KIAA1328: variants seen among roughly 807,000 people sequenced by gnomAD.
The protein encoded by KIAA1328 is KIAA1328, also known as protein hinderin.
KIAA1328 carries 52 observed loss-of-function variants against 68.1 expected under a neutral mutation model. The observed-to-expected ratio is 0.76, with a 90% CI of 0.61 to 0.96. The LOEUF is 0.96. Among genes scored for constraint, KIAA1328 ranks in the 40% least tolerant of loss-of-function variants. The probability of loss-of-function intolerance (pLI) is 0.00; values close to 1 mark genes in which losing one functional copy is unlikely to be tolerated. For missense variants in KIAA1328, 641 were observed against 677.6 expected, an observed-to-expected ratio of 0.95 and a Z score of 0.60; for synonymous variants, 232 against 239.4, an observed-to-expected ratio of 0.97 and a Z score of 0.28.
At chr18:36,889,914 T>C (rs1285692542) in intron 5 of KIAA1328, among the ~76,000 whole-genome samples, 1 of 152,186 alleles carries the variant, frequency 6.6e-6, no homozygotes, top group African/African-American at 2.4e-5. Context: ...TGCTTTATCT[T>C]CTGATCTCTC....
chr18:36,922,060 CTTT>C (rs879414277), intron 5 of KIAA1328, among the ~76,000 whole-genome samples: 1 of 145,896 alleles, frequency 6.9e-6, no homozygotes. Context: ...CCAGAGAATA[CTTT>C]TTTTTTTTTT....
intron 6 of KIAA1328, among the ~76,000 whole-genome samples, chr18:37,039,515 C>G (rs549995456): frequency 6.6e-6 from 1 of 152,032 alleles, no homozygotes; most frequent in African/African-American, 2.4e-5. Flanking sequence ...CAGGTTCAAG[C>G]AATTCTCCTG....
intron 5 of KIAA1328, among the ~76,000 whole-genome samples, chr18:36,930,344 C>G (rs2050266595): frequency 6.6e-6 from 1 of 152,066 alleles, no homozygotes; most frequent in Admixed American, 6.6e-5. Flanking sequence ...GCCTTGTAAC[C>G]ACAACTTTCC....
intron 8 of KIAA1328, among the ~76,000 whole-genome samples, chr18:37,169,374 C>A (rs2059455110): frequency 1.3e-5 from 2 of 151,946 alleles, no homozygotes; most frequent in Non-Finnish European, 2.9e-5. Flanking sequence ...ACTATGTTGG[C>A]CAGGCTGGTC....
At chr18:37,084,354 T>C (rs2057036269) in intron 7 of KIAA1328, 1 of 418,198 alleles carries the variant, frequency 2.4e-6, no homozygotes, top group Admixed American at 4.4e-5. Flanking sequence ...AATACGTACA[T>C]TCCTGTTATA....
intron 5 of KIAA1328, among the ~76,000 whole-genome samples, chr18:36,921,696 G>T (rs1169236811): frequency 6.6e-6 from 1 of 152,104 alleles, no homozygotes; most frequent in Non-Finnish European, 1.5e-5. Flanking sequence ...GAGCCACTGT[G>T]CCCGGCCTTT....
At chr18:37,158,464 C>T (rs1262456415) in intron 7 of KIAA1328, among the ~76,000 whole-genome samples, 1 of 151,956 alleles carries the variant, frequency 6.6e-6, no homozygotes, top group Non-Finnish European at 1.5e-5. Context: ...GGAAAAAATC[C>T]AGTTTAGAGG....
rs1160536634 is a variant in KIAA1328, at chr18:37,052,924, C to A, written c.577-13966C>A. Reference sequence around the variant, plus strand: ...ATTAAAATGACCATACTGCCCAAATCGATTTATAGATTCAGTGCAAACCCT... The same window carrying A: ...ATTAAAATGACCATACTGCCCAAATAGATTTATAGATTCAGTGCAAACCCT... On this transcript the variant is annotated intron_variant, in intron 6 of 9. Coordinates refer to ENST00000280020, the MANE Select transcript of KIAA1328 (RefSeq NM_020776.3). Among the ~76,000 whole-genome samples the A allele has an allele frequency of 1.3e-5, 2 of 152,122 alleles. 1 individual carries two copies. The highest frequency in any genetic ancestry group is 4.1e-4 in the South Asian group (2 of 4,822).
At chr18:37,082,998 A>G (rs1599202076) in intron 7 of KIAA1328, among the ~76,000 whole-genome samples, 1 of 152,206 alleles carries the variant, frequency 6.6e-6, no homozygotes, top group Admixed American at 6.5e-5. Context: ...TCACCTTGAG[A>G]GAGTTATGTG....
chr18:37,004,204 G>T (rs149268144), intron 6 of KIAA1328, among the ~76,000 whole-genome samples: 4 of 151,952 alleles, frequency 2.6e-5, no homozygotes, highest in East Asian at 3.9e-4. Flanking sequence ...AATATTGATC[G>T]TACCCATCCA....
rs1446274227 is a variant in KIAA1328 at position 36,928,757 on chromosome 18, C to G, written c.449-30551C>G. On this transcript the variant is annotated intron_variant, in intron 5 of 9. Transcript: ENST00000280020. ...ATCCTGCTTGAAGTTCTTTGAGCTT[C>G]TTTGGTCTGTGTTGTTGTGTTTCAC... is the stretch of plus-strand genomic sequence containing the variant. 2.0e-5 allele frequency among the ~76,000 whole-genome samples: 3 copies of G among 152,258 alleles called. No homozygotes were observed. The East Asian group carries it at 5.8e-4, about 29-fold the overall frequency.
chr18:37,186,094 C>CTTTTTT lies in KIAA1328; in HGVS notation c.1523+13031_1523+13036dup, dbSNP rs748423012. ...ACCTCAATTTGGGCTTCAAGGATGT[C>CTTTTTT]TTTTTTTTTTTTTTTTTTTTTTTGT... On this transcript the variant is annotated intron_variant, in intron 9 of 9. Transcript: ENST00000280020. Among the ~76,000 whole-genome samples the CTTTTTT allele has an allele frequency of 2.0e-3, 178 of 90,420 alleles. 3 individuals are homozygous for CTTTTTT. Among genetic ancestry groups the CTTTTTT allele is most frequent in the African/African-American group, 3.2e-3 (70 of 21,562 alleles). 59.3% of individuals were successfully genotyped at this position (90,420 alleles called of 152,430 possible).
chr18:36,932,521 G>A (rs1367677106), intron 5 of KIAA1328, among the ~76,000 whole-genome samples: 1 of 152,158 alleles, frequency 6.6e-6, no homozygotes, highest in Non-Finnish European at 1.5e-5. Context: ...TCTGTGCATG[G>A]CCAAGATTTT....
At chr18:36,870,796 C>T (rs2047918231) in intron 4 of KIAA1328, among the ~76,000 whole-genome samples, 1 of 152,380 alleles carries the variant, frequency 6.6e-6, no homozygotes, top group East Asian at 1.9e-4. Context: ...TTAGTTGTCA[C>T]ATCCCCTTAG....
At chr18:37,077,519 A>G (rs537776639) in intron 7 of KIAA1328, among the ~76,000 whole-genome samples, 133 of 150,960 alleles carry the variant, frequency 8.8e-4, no homozygotes, top group African/African-American at 2.8e-3. Context: ...AGGGTATTCA[A>G]TTTGGAAAAG....
intron 6 of KIAA1328, among the ~76,000 whole-genome samples, chr18:37,025,652 A>G (rs1349597242): frequency 6.6e-6 from 1 of 152,260 alleles, no homozygotes; most frequent in African/African-American, 2.4e-5. Flanking sequence ...GAAGGCAGAA[A>G]TAAAGTTGTT....
chr18:37,099,728 C>G (rs990993186), intron 7 of KIAA1328, among the ~76,000 whole-genome samples: 10 of 152,132 alleles, frequency 6.6e-5, no homozygotes, highest in African/African-American at 1.9e-4. Context: ...TTGTAGGTCT[C>G]TAAGGACTTG....
chr18:37,099,579 T>C (rs574178312), intron 7 of KIAA1328, among the ~76,000 whole-genome samples: 2 of 152,308 alleles, frequency 1.3e-5, no homozygotes, highest in South Asian at 4.1e-4. Context: ...GTTCTGTAGA[T>C]GTCTATTAGG....
chr18:37,225,335 T>A, downstream of KIAA1328: 4 of 984,692 alleles, frequency 4.1e-6, no homozygotes, highest in Non-Finnish European at 4.8e-6. Flanking sequence ...ATTTTCCCCA[T>A]GTGGGTTTGA....
Sources: gnomAD v4.1 joint callset for allele counts (sites outside exome capture counted in the v4.1 genomes callset) on GRCh38, gnomAD v4.1.1 for gene constraint, MANE v1.5 for transcripts, NCBI Gene and HGNC (gene_info 2026-07-23, HGNC 2026-07-21) for gene names.